The following CSMD1 variants were observed in gnomAD, a reference collection of about 807,000 sequenced individuals.
CSMD1 encodes CUB and sushi domain-containing protein 1.
In CSMD1, 213 loss-of-function variants were observed where a neutral mutation model predicts 417.5. The ratio of observed to expected loss-of-function variants is 0.51; its 90% CI spans 0.46 to 0.57. The LOEUF (loss-of-function observed/expected upper bound fraction) is 0.57, where lower values mean the gene tolerates loss of function less well. Ranked by LOEUF, CSMD1 falls within the 20% of genes least tolerant of loss-of-function variation. The pLI is 0.00. For synonymous variants in CSMD1, 2,862 were observed against 1,736.8 expected (o/e 1.65, Z -16.11); for missense variants, 6,923 against 4,529.7 (o/e 1.53, Z -15.17).
intron 10 of CSMD1, among the ~76,000 whole-genome samples, chr8:3,502,590 C>G (rs1351138566): frequency 1.3e-5 from 2 of 152,056 alleles, no homozygotes; most frequent in African/African-American, 4.8e-5. Context: ...TATATTTTAC[C>G]AAGTGAAACA....
intron 3 of CSMD1, among the ~76,000 whole-genome samples, chr8:4,146,262 G>C (rs1585416553): frequency 6.6e-6 from 1 of 151,034 alleles, no homozygotes; most frequent in East Asian, 1.9e-4. Flanking sequence ...ATCCACTCGA[G>C]GCAGTAATTC....
intron 2 of CSMD1, among the ~76,000 whole-genome samples, chr8:4,441,654 T>C (rs543111928): frequency 2.0e-4 from 31 of 152,306 alleles, no homozygotes; most frequent in African/African-American, 7.2e-4. Context: ...CACAGAAAAG[T>C]CACATTTTTT....
chr8:3,862,296 T>C (rs1183490549), intron 5 of CSMD1, among the ~76,000 whole-genome samples: 2 of 152,248 alleles, frequency 1.3e-5, no homozygotes, highest in African/African-American at 2.4e-5. Context: ...AGAACGAATT[T>C]ACATTCTCCT....
chr8:4,315,432 G>C (rs777942651), intron 3 of CSMD1, among the ~76,000 whole-genome samples: 3 of 152,036 alleles, frequency 2.0e-5, no homozygotes, highest in Non-Finnish European at 4.4e-5. Context: ...GCAAATATTT[G>C]TAAAATAAAT....
chr8:4,327,739 C>A (rs1263252856), intron 3 of CSMD1, among the ~76,000 whole-genome samples: 2 of 152,124 alleles, frequency 1.3e-5, no homozygotes, highest in Non-Finnish European at 2.9e-5. Flanking sequence ...ACCTACTGTC[C>A]GAAAACATTG....
At chr8:4,451,946 TATATA>T (rs1304798482) in intron 2 of CSMD1, among the ~76,000 whole-genome samples, 5 of 148,528 alleles carry the variant, frequency 3.4e-5, no homozygotes, top group Non-Finnish European at 7.4e-5. Flanking sequence ...TATATTATTA[TATATA>T]ATATATAAAT....
intron 7 of CSMD1, among the ~76,000 whole-genome samples, chr8:3,644,980 A>AAAAAAAAAAAAAAAAAAT (rs1797506305): frequency 6.6e-6 from 1 of 151,098 alleles, no homozygotes; most frequent in African/African-American, 2.4e-5. Flanking sequence ...AAAAAAAAAA[A>AAAAAAAAAAAAAAAAAAT]AAAAAAAAAA....
At chr8:4,338,747 C>T (rs866440532) in intron 3 of CSMD1, among the ~76,000 whole-genome samples, 6 of 151,846 alleles carry the variant, frequency 4.0e-5, no homozygotes, top group East Asian at 3.9e-4. Context: ...AATTCATAAG[C>T]GAATATTAAA....
chr8:3,458,312 T>C (rs932425242), intron 12 of CSMD1, among the ~76,000 whole-genome samples: 1 of 152,332 alleles, frequency 6.6e-6, no homozygotes. Flanking sequence ...CTGATATATT[T>C]AAATATTTAA....
intron 3 of CSMD1, among the ~76,000 whole-genome samples, chr8:4,273,634 T>G (rs1319857806): frequency 3.3e-5 from 5 of 152,206 alleles, no homozygotes; most frequent in Admixed American, 2.6e-4. Flanking sequence ...GTATTTTATC[T>G]AGAAACTCTA....
At chr8:3,555,070 G>A (rs778931123) in intron 10 of CSMD1, among the ~76,000 whole-genome samples, 1 of 152,090 alleles carries the variant, frequency 6.6e-6, no homozygotes, top group Admixed American at 6.5e-5. Context: ...GGAGCCAGGA[G>A]AGCCCTCGGC....
chr8:4,611,188 C>T (rs917646611), intron 2 of CSMD1, among the ~76,000 whole-genome samples: 6 of 151,972 alleles, frequency 3.9e-5, no homozygotes, highest in East Asian at 1.9e-4. Context: ...TACATCTGGG[C>T]GAGTGTATAC....
At chr8:4,290,609 T>C (rs1377504698) in intron 3 of CSMD1, among the ~76,000 whole-genome samples, 1 of 152,212 alleles carries the variant, frequency 6.6e-6, no homozygotes, top group Non-Finnish European at 1.5e-5. Flanking sequence ...CAAGGACAGG[T>C]AGATGCTGTA....
intron 2 of CSMD1, among the ~76,000 whole-genome samples, chr8:4,634,386 A>C (rs939716481): frequency 6.6e-6 from 1 of 152,214 alleles, no homozygotes; most frequent in African/African-American, 2.4e-5. Flanking sequence ...ATTTCGAAAA[A>C]AAATATTACA....
chr8:3,582,011 T>C lies in CSMD1; in HGVS notation c.1222+4125A>G, dbSNP rs145539209. ...AGTTTCACTATGTTGGCCAGGTTGG[T>C]CTTGAACTCCTGACCTCAGGTGATC... is the stretch of plus-strand genomic sequence containing the variant. On this transcript the variant is annotated intron_variant, in intron 9 of 69. Coordinates refer to ENST00000635120, the MANE Select transcript of CSMD1 (RefSeq NM_033225.6). Among the ~76,000 whole-genome samples, 18 of 152,228 alleles carry C rather than the reference T, an allele frequency of 1.2e-4. No individual in the cohort carries two copies. In the East Asian group the frequency reaches 3.3e-3, roughly 28 times the overall value.
intron 12 of CSMD1, among the ~76,000 whole-genome samples, chr8:3,422,809 A>G (rs983409363): frequency 8.5e-5 from 13 of 152,206 alleles, no homozygotes; most frequent in African/African-American, 3.1e-4. Flanking sequence ...AGATCAAGAT[A>G]AAGGCACTGG....
chr8:3,271,683 A>G (rs988120563), intron 26 of CSMD1, among the ~76,000 whole-genome samples: 2 of 152,190 alleles, frequency 1.3e-5, no homozygotes, highest in African/African-American at 4.8e-5. Flanking sequence ...ATAGCCAGTG[A>G]TGATGAGCAT....
At position 4,302,579 on chromosome 8, in the gene CSMD1, T is replaced by A. The variant is rs1181530981; in HGVS notation, c.415+117374A>T. Among the ~76,000 whole-genome samples, 7 of 152,314 alleles carry A rather than the reference T, an allele frequency of 4.6e-5. No homozygotes were observed. In the Middle Eastern group the frequency reaches 0.017, roughly 370 times the overall value. On this transcript the variant is annotated intron_variant, in intron 3 of 69. Transcript: ENST00000635120. ...GGTTTCCGCCTCTCTCTCAACCCTA[T>A]ACGATAATGCACCGTAAGGGGATTC...
chr8:4,923,051 G>A (rs574339432), intron 1 of CSMD1, among the ~76,000 whole-genome samples: 6 of 152,238 alleles, frequency 3.9e-5, no homozygotes, highest in Non-Finnish European at 8.8e-5. Context: ...ATAACTCCAA[G>A]AATTTTCCAA....
Sources: allele counts gnomAD v4.1 joint callset (sites outside exome capture counted in the v4.1 genomes callset), GRCh38; gene constraint gnomAD v4.1.1; transcripts MANE v1.5; gene names NCBI Gene and HGNC (gene_info 2026-07-23, HGNC 2026-07-21).